Variants in SPATA13 observed in about 807,000 individuals in gnomAD.
The protein encoded by SPATA13 is spermatogenesis-associated protein 13.
SPATA13 carries 50 observed loss-of-function variants against 104.0 expected under a neutral mutation model. That is an observed-to-expected ratio of 0.48 (90% CI 0.38 to 0.61). The LOEUF (loss-of-function observed/expected upper bound fraction) is 0.61. Ranked by LOEUF, SPATA13 falls within the 20% of genes least tolerant of loss-of-function variation. The pLI is 0.00. For missense variants in SPATA13, 1,524 were observed against 1,690.6 expected, an observed-to-expected ratio of 0.90 and a Z score of 1.73; for synonymous variants, 606 against 667.5, an observed-to-expected ratio of 0.91 and a Z score of 1.42.
At position 24,137,034 on chromosome 13, in the gene SPATA13, T is replaced by G. The variant is rs1280482756; in HGVS notation, c.-111-85785T>G. On this transcript the variant is annotated intron_variant, in intron 3 of 14. Coordinates refer to the SPATA13 transcript ENST00000424834. ...TTTAGTAGAGACGGGGTTTCACCGT[T>G]TTAGCCGGGATGGTCTCAATCTCCT... 1.6e-3 allele frequency among the ~76,000 whole-genome samples: 78 copies of G among 48,656 alleles called. 24 individuals are homozygous for G. Among genetic ancestry groups the G allele is most frequent in the African/African-American group, 4.7e-3 (70 of 14,918 alleles). The allele number at this position is 48,656 out of a possible 152,430, so 31.9% of individuals were successfully genotyped here.
intron 3 of SPATA13, among the ~76,000 whole-genome samples, chr13:24,112,729 T>C (rs1555262318): frequency 6.6e-6 from 1 of 152,214 alleles, no homozygotes; most frequent in Non-Finnish European, 1.5e-5. Flanking sequence ...TGATCCACAG[T>C]TCTCTGTTCT....
At chr13:24,121,196 G>A (rs1278843409) in intron 3 of SPATA13, among the ~76,000 whole-genome samples, 4 of 152,110 alleles carry the variant, frequency 2.6e-5, no homozygotes, top group Non-Finnish European at 4.4e-5. Context: ...TACACTGACA[G>A]CTTTAAGAAA....
At chr13:24,102,203 T>TTTTGATTTGCG (rs1880279598) in intron 3 of SPATA13, among the ~76,000 whole-genome samples, 1 of 152,282 alleles carries the variant, frequency 6.6e-6, no homozygotes, top group East Asian at 1.9e-4. Context: ...TTCATTGTGG[T>TTTTGATTTGCG]TTTGATTTGC....
At chr13:24,284,040 C>A in intron 4 of SPATA13, 95 bp from the exon 5 acceptor site, 1 of 1,290,454 alleles carries the variant, frequency 7.7e-7, no homozygotes, top group Non-Finnish European at 1.1e-6. Flanking sequence ...AGATGATTAC[C>A]TTCCCTTGGG....
At chr13:24,260,315 G>A (rs1262845128) in intron 4 of SPATA13, among the ~76,000 whole-genome samples, 7 of 152,240 alleles carry the variant, frequency 4.6e-5, no homozygotes, top group Admixed American at 4.6e-4. Context: ...GAAGTTGAGA[G>A]TAGGGTAGCC....
At chr13:24,295,501 A>T (rs1876706347) in intron 10 of SPATA13, among the ~76,000 whole-genome samples, 1 of 152,044 alleles carries the variant, frequency 6.6e-6, no homozygotes, top group African/African-American at 2.4e-5. Context: ...ATTCCTGGCT[A>T]CTCGGGAGGC....
intron 3 of SPATA13, among the ~76,000 whole-genome samples, chr13:24,080,398 G>A (rs930561886): frequency 2.0e-5 from 3 of 152,212 alleles, no homozygotes; most frequent in African/African-American, 7.2e-5. Context: ...AAAAGCTTTG[G>A]CGGCTTGGGC....
rs1869426988 is a variant in SPATA13, at chr13:24,189,697, A to AATATATTATATATAAAAGCATATATAAT, written c.-112+28771_-112+28798dup. ...TTATATATATTTATATATAATATAT[A>AATATATTATATATAAAAGCATATATAAT]ATATATTATATATAAAAGCATATAT... On this transcript the variant is annotated intron_variant, in intron 1 of 12. Transcript: ENST00000382108. Among the ~76,000 whole-genome samples, 2 of 9,586 alleles carry AATATATTATATATAAAAGCATATATAAT rather than the reference A, an allele frequency of 2.1e-4. 1 individual carries two copies. Among genetic ancestry groups the AATATATTATATATAAAAGCATATATAAT allele is most frequent in the African/African-American group, 2.4e-4 (2 of 8,182 alleles). The allele number at this position is 9,586 out of a possible 152,430, so 6.3% of individuals were successfully genotyped here. A position where few individuals can be genotyped will look rare whatever the true frequency, so the allele number is the denominator to read the frequency against.
chr13:24,249,987 T>C (rs1873394628), intron 3 of SPATA13, 145 bp downstream of exon 3: 1 of 1,119,282 alleles, frequency 8.9e-7, no homozygotes, highest in Non-Finnish European at 1.2e-6. Flanking sequence ...TCTTCCTGAC[T>C]GTGTGAAAAC....
intron 3 of SPATA13, among the ~76,000 whole-genome samples, chr13:24,110,045 G>A (rs1300011113): frequency 2.0e-5 from 3 of 149,074 alleles, no homozygotes; most frequent in Non-Finnish European, 4.4e-5. Flanking sequence ...TTGCAAATTT[G>A]GCAGCGGGAC....
intron 3 of SPATA13, among the ~76,000 whole-genome samples, chr13:24,080,458 A>G (rs1879474335): frequency 6.6e-6 from 1 of 152,220 alleles, no homozygotes; most frequent in South Asian, 2.1e-4. Context: ...AATGAATAAA[A>G]CACTCAAAAG....
chr13:24,007,280 C>T (rs148333493), intron 2 of SPATA13, among the ~76,000 whole-genome samples: 112 of 152,324 alleles, frequency 7.4e-4, no homozygotes, highest in African/African-American at 2.6e-3. Flanking sequence ...AAAGGCCAGG[C>T]TAGGCCACTG....
intron 2 of SPATA13, among the ~76,000 whole-genome samples, chr13:24,244,175 G>A (rs1872993405): frequency 6.6e-6 from 1 of 152,102 alleles, no homozygotes; most frequent in Non-Finnish European, 1.5e-5. Flanking sequence ...CCTCCCTTTC[G>A]TGTTTGTCTG....
chr13:24,237,802 A>G (rs1872637940), intron 2 of SPATA13, among the ~76,000 whole-genome samples: 1 of 151,128 alleles, frequency 6.6e-6, no homozygotes, highest in African/African-American at 2.4e-5. Context: ...CCATCTTATA[A>G]ATTTTAAAAA....
At chr13:24,197,283 GAAGA>G (rs1870112043) in intron 1 of SPATA13, among the ~76,000 whole-genome samples, 2 of 152,156 alleles carry the variant, frequency 1.3e-5, no homozygotes, top group African/African-American at 4.8e-5. Flanking sequence ...GACTCAGTAG[GAAGA>G]AATTGTAAAG....
At chr13:24,220,003 T>G (rs966354504) in intron 1 of SPATA13, among the ~76,000 whole-genome samples, 4 of 152,166 alleles carry the variant, frequency 2.6e-5, no homozygotes, top group African/African-American at 9.7e-5. Context: ...ATGTACTGCC[T>G]CCCAGTTGTA....
chr13:24,113,682 C>T (rs1880723675), intron 3 of SPATA13, among the ~76,000 whole-genome samples: 1 of 151,588 alleles, frequency 6.6e-6, no homozygotes, highest in South Asian at 2.1e-4. Context: ...CCATCCTGGC[C>T]AACATGGTGA....
At chr13:24,230,128 T>C (rs976010750) in intron 2 of SPATA13, among the ~76,000 whole-genome samples, 2 of 152,154 alleles carry the variant, frequency 1.3e-5, no homozygotes, top group Non-Finnish European at 2.9e-5. Context: ...CAGGAAGTAA[T>C]GTAATTTGGT....
At chr13:24,301,593 T>TA (rs1362599541) in intron 12 of SPATA13, among the ~76,000 whole-genome samples, 2 of 152,052 alleles carry the variant, frequency 1.3e-5, no homozygotes, top group African/African-American at 2.4e-5. Context: ...CACAGGTGGC[T>TA]ACCGGGTGGG....
Sources: gnomAD v4.1 joint callset for allele counts (sites outside exome capture counted in the v4.1 genomes callset) on GRCh38, gnomAD v4.1.1 for gene constraint, MANE v1.5 for transcripts, NCBI Gene and HGNC (gene_info 2026-07-23, HGNC 2026-07-21) for gene names.